SBF2: variants seen among roughly 807,000 people sequenced by gnomAD.
SBF2 encodes the protein myotubularin-related protein 13.
Under a neutral mutation model 225.2 loss-of-function variants are expected in SBF2, and 112 were observed. The ratio of observed to expected loss-of-function variants is 0.50; its 90% confidence interval spans 0.43 to 0.58. The LOEUF (loss-of-function observed/expected upper bound fraction) is 0.58, where lower values mean the gene tolerates loss of function less well. SBF2 is among the 20% of genes least tolerant of loss of function. SBF2 has a pLI of 0.00. For missense variants in SBF2, 1,996 were observed against 2,206.2 expected (o/e 0.90, Z 1.91); for synonymous variants, 763 against 773.3 (o/e 0.99, Z 0.22).
At chr11:10,216,499 T>C (rs1195556917) in intron 1 of SBF2, among the ~76,000 whole-genome samples, 3 of 152,242 alleles carry the variant, frequency 2.0e-5, no homozygotes, top group Non-Finnish European at 4.4e-5. Context: ...TAATCCTTAA[T>C]AGTGTTCAAC....
chr11:9,955,347 G>C (rs949481498), intron 16 of SBF2, among the ~76,000 whole-genome samples: 1 of 151,892 alleles, frequency 6.6e-6, no homozygotes, highest in Non-Finnish European at 1.5e-5. Flanking sequence ...GTCAAAAATA[G>C]ATTCATATCT....
At chr11:10,034,575 G>A (rs1949368074) in intron 3 of SBF2, among the ~76,000 whole-genome samples, 1 of 152,094 alleles carries the variant, frequency 6.6e-6, no homozygotes, top group Admixed American at 6.5e-5. Flanking sequence ...AAGAACTGTT[G>A]CATCCAACAT....
At chr11:10,279,106 T>A (rs55643080) in intron 1 of SBF2, among the ~76,000 whole-genome samples, 22,796 of 56,046 alleles carry the variant, frequency 0.41, 5,432 homozygotes, top group Non-Finnish European at 0.49. Context: ...GGTCTTGTAT[T>A]AAAAAAAAAA....
chr11:10,230,500 G>C (rs1206724412), intron 1 of SBF2, among the ~76,000 whole-genome samples: 1 of 152,168 alleles, frequency 6.6e-6, no homozygotes, highest in African/African-American at 2.4e-5. Context: ...TTTTAGGGCA[G>C]GCCTGGTGGC....
chr11:10,112,254 C>T (rs1952906629), intron 2 of SBF2, among the ~76,000 whole-genome samples: 1 of 152,174 alleles, frequency 6.6e-6, no homozygotes, highest in Non-Finnish European at 1.5e-5. Context: ...CCAAATCTCA[C>T]CTTGAATTGT....
intron 2 of SBF2, among the ~76,000 whole-genome samples, chr11:10,100,404 G>A (rs963052275): frequency 1.3e-5 from 2 of 152,224 alleles, no homozygotes; most frequent in Non-Finnish European, 2.9e-5. Context: ...GGATCCAAAG[G>A]CCAGCCCAAG....
chr11:9,954,523 A>C (rs966930075), intron 16 of SBF2, among the ~76,000 whole-genome samples: 1 of 152,226 alleles, frequency 6.6e-6, no homozygotes, highest in Non-Finnish European at 1.5e-5. Flanking sequence ...AAGGGCCTCT[A>C]TACAACGTTC....
chr11:10,298,722 A>C (rs917805174), upstream of SBF2, among the ~76,000 whole-genome samples: 3 of 152,158 alleles, frequency 2.0e-5, no homozygotes, highest in Non-Finnish European at 2.9e-5. Flanking sequence ...AATTTAATGA[A>C]TCTTACCCTT....
intron 13 of SBF2, among the ~76,000 whole-genome samples, chr11:9,976,954 TAG>T (rs1227033064): frequency 1.3e-5 from 2 of 151,966 alleles, no homozygotes; most frequent in African/African-American, 4.8e-5. Flanking sequence ...GTATTTTTAG[TAG>T]AGACGGGGTT....
intron 2 of SBF2, among the ~76,000 whole-genome samples, chr11:10,167,271 C>T (rs1206779634): frequency 2.0e-5 from 3 of 152,158 alleles, no homozygotes; most frequent in Non-Finnish European, 4.4e-5. Context: ...ATATACTTCA[C>T]ATTAAAGATA....
chr11:9,840,122 T>C (rs1330535655), intron 25 of SBF2, among the ~76,000 whole-genome samples: 2 of 152,016 alleles, frequency 1.3e-5, no homozygotes, highest in African/African-American at 4.8e-5. Context: ...TAATCCCAGC[T>C]ACTCGGGAGG....
chr11:9,895,143 T>C (rs924656074), intron 17 of SBF2, among the ~76,000 whole-genome samples: 1 of 152,112 alleles, frequency 6.6e-6, no homozygotes, highest in South Asian at 2.1e-4. Flanking sequence ...AAATCAAATC[T>C]AAGCCCACCA....
chr11:9,892,637 G>A (rs1209343282), intron 17 of SBF2, among the ~76,000 whole-genome samples: 1 of 151,482 alleles, frequency 6.6e-6, no homozygotes, highest in Non-Finnish European at 1.5e-5. Context: ...TCGGTTCATG[G>A]CAACCTCCGC....
rs553827812 is a variant in SBF2, at chr11:9,923,576, A to G, written c.1861-27565T>C. Among the ~76,000 whole-genome samples, 133 of 152,320 alleles carry G rather than the reference A, an allele frequency of 8.7e-4. 1 individual carries two copies. Among genetic ancestry groups the G allele is most frequent in the African/African-American group, 3.0e-3 (123 of 41,564 alleles). On this transcript the variant is annotated intron_variant, in intron 16 of 39. Coordinates refer to ENST00000256190, the MANE Select transcript of SBF2 (RefSeq NM_030962.4). Reference sequence around the variant, plus strand: ...AAGCAACCTTAAAGAATGAAAAGCTATTTACAATGGGACATATTTTCTTGA... The same window carrying G: ...AAGCAACCTTAAAGAATGAAAAGCTGTTTACAATGGGACATATTTTCTTGA...
chr11:9,926,118 C>T (rs1208863453), intron 16 of SBF2, among the ~76,000 whole-genome samples: 1 of 152,180 alleles, frequency 6.6e-6, no homozygotes, highest in East Asian at 1.9e-4. Flanking sequence ...TATCTGTAAT[C>T]TGGCTTAAGT....
rs139634638 is a variant in SBF2 at position 9,787,704 on chromosome 11, G to T, written c.4967C>A (p.Ala1656Asp). ...IEKLEHKLNQAPEKWQQLWER... is the reference protein window; with the variant it reads ...IEKLEHKLNQDPEKWQQLWER... ...CCACAGCTGCTGCCACTTCTCAGGG[G>T]CTTGGTTCAATTTGTGCTCCAATTT... The change falls in exon 36 of 40, where the codon GCC (alanine) becomes GAC (aspartate). Residue 1656 changes from alanine to aspartate, a missense_variant. By Grantham distance (126) the Ala-to-Asp change is moderately radical. Transcript: ENST00000256190. 2 of 1,614,198 alleles carry T rather than the reference G, an allele frequency of 1.2e-6. No homozygotes were observed. Among genetic ancestry groups the T allele is most frequent in the Non-Finnish European group, 1.7e-6 (2 of 1,180,034 alleles).
chr11:9,794,604 G>A (rs898007083), intron 33 of SBF2, among the ~76,000 whole-genome samples: 2 of 138,950 alleles, frequency 1.4e-5, no homozygotes, highest in East Asian at 2.2e-4. Context: ...AATAGAGGTT[G>A]CAGTGAGCCA....
intron 13 of SBF2, among the ~76,000 whole-genome samples, chr11:9,985,647 A>G (rs1947169645): frequency 6.6e-6 from 1 of 152,178 alleles, no homozygotes; most frequent in Admixed American, 6.5e-5. Context: ...ATATCAGGCA[A>G]AACAAACTGT....
intron 1 of SBF2, among the ~76,000 whole-genome samples, chr11:10,301,251 G>A (rs1382679159): frequency 6.6e-6 from 1 of 152,042 alleles, no homozygotes; most frequent in Non-Finnish European, 1.5e-5. Flanking sequence ...TCAACCTCCC[G>A]GAACTGTATG....
Sources: gnomAD v4.1 joint callset for allele counts (sites outside exome capture counted in the v4.1 genomes callset) on GRCh38, gnomAD v4.1.1 for gene constraint, MANE v1.5 for transcripts, NCBI Gene and HGNC (gene_info 2026-07-23, HGNC 2026-07-21) for gene names.